The following CACNA1D variants were observed in gnomAD, a reference collection of about 807,000 sequenced individuals.
CACNA1D encodes the protein voltage-dependent L-type calcium channel subunit alpha-1D.
CACNA1D carries 55 observed loss-of-function variants against 257.1 expected under a neutral mutation model. The ratio of observed to expected loss-of-function variants is 0.21; its 90% CI spans 0.17 to 0.27. The LOEUF (loss-of-function observed/expected upper bound fraction) is 0.27. CACNA1D is among the 10% of genes least tolerant of loss of function. The pLI is 1.00. For synonymous variants in CACNA1D, 980 were observed against 1,014.9 expected, an observed-to-expected ratio of 0.97 and a Z score of 0.65; for missense variants, 1,876 against 2,784.0, an observed-to-expected ratio of 0.67 and a Z score of 7.34.
At chr3:53,784,406 C>T (rs1471807401) in intron 39 of CACNA1D, among the ~76,000 whole-genome samples, 1 of 152,200 alleles carries the variant, frequency 6.6e-6, no homozygotes, top group East Asian at 1.9e-4. Context: ...CCTTCTCTTC[C>T]TTCCTGTTCT....
At chr3:53,561,058 A>C (rs1382489615) in intron 3 of CACNA1D, among the ~76,000 whole-genome samples, 5 of 152,184 alleles carry the variant, frequency 3.3e-5, no homozygotes, top group Non-Finnish European at 1.5e-5. Flanking sequence ...TCATCTCCAT[A>C]TTACTTTGTA....
At chr3:53,511,049 A>T (rs143099500) in intron 3 of CACNA1D, among the ~76,000 whole-genome samples, 1 of 152,314 alleles carries the variant, frequency 6.6e-6, no homozygotes, top group East Asian at 1.9e-4. Context: ...GACTGGTTTC[A>T]TGACAAATAC....
chr3:53,611,607 C>A (rs1472932394), intron 3 of CACNA1D, among the ~76,000 whole-genome samples: 3 of 151,914 alleles, frequency 2.0e-5, no homozygotes, highest in Non-Finnish European at 4.4e-5. Flanking sequence ...TTATTTTTTG[C>A]TTCTACCCCT....
At chr3:53,760,107 G>A (rs79589055) in intron 29 of CACNA1D, among the ~76,000 whole-genome samples, 25,614 of 152,140 alleles carry the variant, frequency 0.17, 2,775 homozygotes, top group Non-Finnish European at 0.24. Context: ...ATCATAGGGC[G>A]GGGAGAGAGG....
chr3:53,644,889 G>T (rs1484396522), intron 3 of CACNA1D, among the ~76,000 whole-genome samples: 2 of 152,080 alleles, frequency 1.3e-5, no homozygotes, highest in Non-Finnish European at 2.9e-5. Flanking sequence ...ATTTTTTGAG[G>T]ACCCTCTGTA....
intron 3 of CACNA1D, among the ~76,000 whole-genome samples, chr3:53,536,931 T>C (rs1004513929): frequency 2.0e-5 from 3 of 152,280 alleles, no homozygotes; most frequent in African/African-American, 4.8e-5. Flanking sequence ...TGATTTCGTT[T>C]TGAAGTTCAG....
chr3:53,610,411 G>A (rs952839001), intron 3 of CACNA1D, among the ~76,000 whole-genome samples: 2 of 152,178 alleles, frequency 1.3e-5, no homozygotes, highest in Non-Finnish European at 2.9e-5. Context: ...ATATTTTGAA[G>A]CTTTGCTCCT....
intron 9 of CACNA1D, among the ~76,000 whole-genome samples, chr3:53,714,303 T>C (rs990282957): frequency 3.9e-5 from 6 of 152,118 alleles, no homozygotes; most frequent in African/African-American, 1.4e-4. Context: ...GCCTAGCCAC[T>C]TGTCAGCAAT....
At chr3:53,803,360 G>C in intron 43 of CACNA1D, 63 bp from the exon 44 acceptor site, 1 of 1,596,418 alleles carries the variant, frequency 6.3e-7, no homozygotes. Flanking sequence ...AGGCAGAGGT[G>C]CAGCTGCAGC....
Position 53,723,336 on chromosome 3 carries a change from T to A in CACNA1D, c.1667-98T>A. On this transcript the variant is annotated intron_variant, in intron 12 of 47. Transcript: ENST00000350061. This position sits in a 1 kb window ranked among gnomAD's most constrained non-coding sequence, Gnocchi z 5.6. Reference sequence around the variant, plus strand: ...AGAGAGAGACAAGGTATTGGCGTATTTCCTGTGGGGCCTGATAGGGAGGGA... The same window carrying A: ...AGAGAGAGACAAGGTATTGGCGTATATCCTGTGGGGCCTGATAGGGAGGGA... 1.1e-6 allele frequency: 1 copy of A among 876,204 alleles called. No individual in the cohort carries two copies. Among genetic ancestry groups the A allele is most frequent in the South Asian group, 1.3e-5 (1 of 75,572 alleles). The allele number at this position is 876,204 out of a possible 1,614,324, so 54.3% of individuals were successfully genotyped here.
At chr3:53,563,967 G>T (rs376002068) in intron 3 of CACNA1D, among the ~76,000 whole-genome samples, 1 of 152,060 alleles carries the variant, frequency 6.6e-6, no homozygotes, top group East Asian at 1.9e-4. Flanking sequence ...TTTCCAAGGG[G>T]TTATATAAAT....
rs527366823 is a variant in CACNA1D at position 53,591,378 on chromosome 3, G to A, written c.484-59401G>A. Among the ~76,000 whole-genome samples, 14 of 152,134 alleles carry A rather than the reference G, an allele frequency of 9.2e-5. No individual in the cohort carries two copies. The South Asian group carries it at 1.9e-3, about 20-fold the overall frequency. On this transcript the variant is annotated intron_variant, in intron 3 of 47. Coordinates refer to ENST00000350061, the MANE Select transcript of CACNA1D (RefSeq NM_001128840.3). Reference sequence around the variant, plus strand: ...AGTGATTCTCCTGCTTCAGCCTCCCGAGTAGCTGGGACTACAGGCATGCAC... The same window carrying A: ...AGTGATTCTCCTGCTTCAGCCTCCCAAGTAGCTGGGACTACAGGCATGCAC...
chr3:53,568,467 C>T (rs542366762), intron 3 of CACNA1D, among the ~76,000 whole-genome samples: 3 of 152,322 alleles, frequency 2.0e-5, no homozygotes, highest in South Asian at 4.1e-4. Context: ...CAGGAGAGAA[C>T]TTCTCAAAAG....
chr3:53,528,603 A>G (rs557221345), intron 3 of CACNA1D, among the ~76,000 whole-genome samples: 1 of 152,324 alleles, frequency 6.6e-6, no homozygotes, highest in East Asian at 1.9e-4. Flanking sequence ...GATGACGTCG[A>G]ATCTATAGGT....
At chr3:53,665,978 T>C (rs909504128) in intron 6 of CACNA1D, among the ~76,000 whole-genome samples, 166 bp downstream of exon 6, 3 of 152,132 alleles carry the variant, frequency 2.0e-5, no homozygotes, top group African/African-American at 7.2e-5. Context: ...TCAGAATAGA[T>C]GAGAATTCAG....
In CACNA1D at chr3:53,810,284, A is replaced by G; in HGVS notation, c.6178A>G (p.Ser2060Gly). Residue 2060 changes from serine (S) to glycine (G), a missense_variant, in exon 47 of 48, where the codon AGC (serine) becomes GGC (glycine). Physicochemically the swap from Ser to Gly is moderately conservative, Grantham distance 56 (BLOSUM62 0). Transcript: ENST00000350061. Reference sequence around the variant, plus strand: ...CAGCGACAAGCAGAGGAGTGCGGACAGCTTGGTGGAGGCAGTGAGTACGGT... The same window carrying G: ...CAGCGACAAGCAGAGGAGTGCGGACGGCTTGGTGGAGGCAGTGAGTACGGT... The part of the protein sequence containing the change: ...KNSDKQRSAD[S>G]LVEAVLISEG... 6.2e-7 allele frequency: 1 copy of G among 1,613,666 alleles called. No individual in the cohort carries two copies. Among genetic ancestry groups the G allele is most frequent in the African/African-American group, 1.3e-5 (1 of 75,030 alleles).
chr3:53,520,524 G>A (rs777270577), intron 3 of CACNA1D, among the ~76,000 whole-genome samples: 2 of 152,186 alleles, frequency 1.3e-5, no homozygotes, highest in Non-Finnish European at 2.9e-5. Flanking sequence ...CCAGCACTTT[G>A]GGAGGCCAAG....
intron 20 of CACNA1D, among the ~76,000 whole-genome samples, chr3:53,738,021 G>A (rs1012680977): frequency 1.3e-5 from 2 of 152,210 alleles, no homozygotes; most frequent in African/African-American, 4.8e-5. Context: ...ACGGCTAGAA[G>A]CAGCAGCCTG....
chr3:53,501,398 G>A (rs1333240840), intron 2 of CACNA1D, among the ~76,000 whole-genome samples: 1 of 152,158 alleles, frequency 6.6e-6, no homozygotes, highest in East Asian at 1.9e-4. Flanking sequence ...CAGAAGAAAA[G>A]GACACGGAGA....
Sources: gnomAD v4.1 joint callset for allele counts (sites outside exome capture counted in the v4.1 genomes callset) on GRCh38, gnomAD v4.1.1 for gene constraint, Gnocchi (gnomAD v3.1) non-coding constraint, MANE v1.5 for transcripts, NCBI Gene and HGNC (gene_info 2026-07-23, HGNC 2026-07-21) for gene names.